ANKRD34C: variants seen among roughly 807,000 people sequenced by gnomAD.
ANKRD34C encodes ankyrin repeat domain-containing protein 34C.
For missense variants in ANKRD34C, 563 were observed against 653.0 expected (o/e 0.86, Z 1.50); for synonymous variants, 260 against 253.6 (o/e 1.03, Z -0.24).
In ANKRD34C at chr15:79,293,656, T is replaced by A; in HGVS notation, c.372T>A (p.Val124=). The change falls in exon 2 of 2, where the codon GTT becomes GTA. Residue 124 remains valine, a synonymous_variant. Coordinates refer to ENST00000421388, the MANE Select transcript of ANKRD34C (RefSeq NM_001146341.2). ...ATCGCACTGGGGCTTCAGCTCTGGT[T>A]TATGCAATAAATGCAGATGACAAGG... ...LEDRTGASAL[V]YAINADDKDA... 1 of 1,551,646 alleles carries A rather than the reference T, an allele frequency of 6.4e-7. No individual in the cohort carries two copies. Among genetic ancestry groups the A allele is most frequent in the Non-Finnish European group, 8.7e-7 (1 of 1,146,976 alleles).
chr15:79,290,753 A>G (rs2058657036), intron 1 of ANKRD34C, among the ~76,000 whole-genome samples: 1 of 152,198 alleles, frequency 6.6e-6, no homozygotes, highest in Non-Finnish European at 1.5e-5. Context: ...ACATACGAGG[A>G]CGGGAGGACC....
chr15:79,286,366 C>T (rs528155357), intron 1 of ANKRD34C, among the ~76,000 whole-genome samples: 30 of 152,264 alleles, frequency 2.0e-4, no homozygotes, highest in South Asian at 1.0e-3. Flanking sequence ...TTTTTAAAGA[C>T]AAAAATATTC....
chr15:79,287,184 G>A (rs2058647649), intron 1 of ANKRD34C, among the ~76,000 whole-genome samples: 1 of 152,182 alleles, frequency 6.6e-6, no homozygotes, highest in African/African-American at 2.4e-5. Flanking sequence ...GGCTAAGAAT[G>A]TGGACTTTGG....
rs2058675466 is a variant in ANKRD34C at position 79,297,659 on chromosome 15, T to C, written c.*2767T>C. The C allele has an allele frequency of 6.0e-6, 1 of 167,100 alleles. No homozygotes were observed. Among genetic ancestry groups the C allele is most frequent in the African/African-American group, 2.4e-5 (1 of 41,462 alleles). The allele number at this position is 167,100 out of a possible 1,614,324, so 10.4% of individuals were successfully genotyped here. A position where few individuals can be genotyped will look rare whatever the true frequency, so the allele number is the denominator to read the frequency against. The stretch of plus-strand genomic sequence containing the variant: ...CTACTTGACGATGAGTTCGCCGAAT[T>C]AGACTGTTCTATACCAGTACAACAA... On this transcript the variant is annotated 3_prime_UTR_variant, in exon 2 of 2. Transcript: ENST00000421388.
intron 1 of ANKRD34C, among the ~76,000 whole-genome samples, chr15:79,287,984 C>T (rs945698475): frequency 6.6e-6 from 1 of 152,224 alleles, no homozygotes; most frequent in Non-Finnish European, 1.5e-5. Flanking sequence ...TATAAACCAT[C>T]AGCCTCACTC....
intron 1 of ANKRD34C, among the ~76,000 whole-genome samples, chr15:79,285,995 T>C (rs998848850): frequency 3.3e-5 from 5 of 152,168 alleles, no homozygotes; most frequent in African/African-American, 1.2e-4. Context: ...TCTTTACTTT[T>C]GGGGACAATA....
chr15:79,295,016 G>A lies in ANKRD34C; in HGVS notation c.*124G>A. ...TCAGAAGATATAAAAGCAGGATGCT[G>A]CTTCACTTCTGAGAATAATCCCTGG... On this transcript the variant is annotated 3_prime_UTR_variant, in exon 2 of 2. Coordinates refer to ENST00000421388, the MANE Select transcript of ANKRD34C (RefSeq NM_001146341.2). The A allele has an allele frequency of 1.9e-6, 2 of 1,078,364 alleles. No individual in the cohort carries two copies. The highest frequency in any genetic ancestry group is 2.6e-6 in the Non-Finnish European group (2 of 770,070). 66.8% of individuals were successfully genotyped at this position (1,078,364 alleles called of 1,614,324 possible).
At position 79,291,587 on chromosome 15, in the gene ANKRD34C, CACACACACACACACAGAGAG is replaced by C. The variant is rs1320242117; in HGVS notation, c.-44-1652_-44-1633del. ...ACACACACACACACACACACACACA[CACACACACACACACAGAGAG>C]AGAGAGAGAGAGAGAGAGAGAGAGA... On this transcript the variant is annotated intron_variant, in intron 1 of 1. Transcript: ENST00000421388. Among the ~76,000 whole-genome samples, 7 of 117,984 alleles carry C rather than the reference CACACACACACACACAGAGAG, an allele frequency of 5.9e-5. No individual in the cohort carries two copies. In the East Asian group the frequency reaches 9.4e-4, roughly 16 times the overall value. 77.4% of individuals were successfully genotyped at this position (117,984 alleles called of 152,430 possible). A position where few individuals can be genotyped will look rare whatever the true frequency, so the allele number is the denominator to read the frequency against.
chr15:79,286,802 C>A (rs1167853591), intron 1 of ANKRD34C, among the ~76,000 whole-genome samples: 3 of 152,190 alleles, frequency 2.0e-5, no homozygotes, highest in Admixed American at 2.0e-4. Flanking sequence ...GTCCACACAG[C>A]AAACATCAAA....
At chr15:79,287,841 T>C (rs1028812147) in intron 1 of ANKRD34C, among the ~76,000 whole-genome samples, 1 of 152,236 alleles carries the variant, frequency 6.6e-6, no homozygotes, top group Non-Finnish European at 1.5e-5. Context: ...TGTGCACTTA[T>C]GGCTAATCCA....
At position 79,294,275 on chromosome 15, in the gene ANKRD34C, G is replaced by A. The variant is rs1344087005; in HGVS notation, c.991G>A (p.Ala331Thr). ...PVSSAPASWK[A>T]AYEKGQAPHP... ...CTCTTCAGCACCGGCATCCTGGAAA[G>A]CAGCCTATGAGAAAGGTCAGGCTCC... Residue 331 changes from alanine to threonine, a missense_variant, in exon 2 of 2, where the codon GCA becomes ACA. Physicochemically the swap from Ala to Thr is moderately conservative, Grantham distance 58 (BLOSUM62 0). Coordinates refer to ENST00000421388, the MANE Select transcript of ANKRD34C (RefSeq NM_001146341.2). 1.9e-6 allele frequency: 3 copies of A among 1,551,716 alleles called. No individual in the cohort carries two copies. In the Admixed American group the frequency reaches 5.9e-5, roughly 30 times the overall value.
chr15:79,284,204 C>A (rs968736051), intron 1 of ANKRD34C, among the ~76,000 whole-genome samples: 2 of 152,122 alleles, frequency 1.3e-5, no homozygotes, highest in African/African-American at 4.8e-5. Flanking sequence ...AGTAACTTGT[C>A]CAGGTTTATG....
At chr15:79,283,586 T>C (rs2058635057) in intron 1 of ANKRD34C, 2 of 152,220 alleles carry the variant, frequency 1.3e-5, no homozygotes, top group Middle Eastern at 3.4e-3. Context: ...CCTGAAAATG[T>C]GCACGAAATT....
At position 79,293,641 on chromosome 15, in the gene ANKRD34C, G is replaced by C; in HGVS notation, c.357G>C (p.Gly119=). 1 of 1,551,628 alleles carries C rather than the reference G, an allele frequency of 6.4e-7. No individual in the cohort carries two copies. Among genetic ancestry groups the C allele is most frequent in the Non-Finnish European group, 8.7e-7 (1 of 1,146,976 alleles). ...GADPSLEDRT[G]ASALVYAINA... is the part of the protein sequence containing the mutation. ...ACCCCAGCCTTGAAGATCGCACTGG[G>C]GCTTCAGCTCTGGTTTATGCAATAA... Residue 119 remains glycine (G), a synonymous_variant, in exon 2 of 2, where the codon GGG becomes GGC. Transcript: ENST00000421388.
At position 79,294,082 on chromosome 15, in the gene ANKRD34C, G is replaced by A. The variant is rs931179221; in HGVS notation, c.798G>A (p.Ser266=). 10 of 1,551,406 alleles carry A rather than the reference G, an allele frequency of 6.4e-6. No individual in the cohort carries two copies. The highest frequency in any genetic ancestry group is 4.9e-5 in the East Asian group (2 of 40,924). ...GLIAPSVLAA[S]TRQDETHGAS... Reference sequence around the variant, plus strand: ...TAGCGCCCTCGGTGCTGGCAGCCTCGACGCGTCAGGATGAGACCCATGGTG... The same window carrying A: ...TAGCGCCCTCGGTGCTGGCAGCCTCAACGCGTCAGGATGAGACCCATGGTG... The change falls in exon 2 of 2, where the codon TCG becomes TCA. Residue 266 remains serine (S), a synonymous_variant. Transcript: ENST00000421388.
chr15:79,294,591 G>A lies in ANKRD34C; in HGVS notation c.1307G>A (p.Arg436His), dbSNP rs750628624. ...VPSTSPSSARRRPPHLLERRG... is the reference protein window; with the variant it reads ...VPSTSPSSARHRPPHLLERRG... ...AGCACATCCCCCAGCTCAGCACGCCGCAGGCCGCCACATCTTCTAGAACGA... is the reference window on the plus strand; with the variant it reads ...AGCACATCCCCCAGCTCAGCACGCCACAGGCCGCCACATCTTCTAGAACGA... The change falls in exon 2 of 2, where the codon CGC becomes CAC. Residue 436 changes from arginine to histidine, a missense_variant. Physicochemically the swap from Arg to His is conservative, Grantham distance 29 (BLOSUM62 0). Coordinates refer to ENST00000421388, the MANE Select transcript of ANKRD34C (RefSeq NM_001146341.2). 27 of 1,551,534 alleles carry A rather than the reference G, an allele frequency of 1.7e-5. No individual in the cohort carries two copies. In the South Asian group the frequency reaches 2.0e-4, roughly 12 times the overall value.
At chr15:79,289,277 A>G (rs1427417025) in intron 1 of ANKRD34C, among the ~76,000 whole-genome samples, 5 of 152,230 alleles carry the variant, frequency 3.3e-5, no homozygotes, top group Non-Finnish European at 7.3e-5. Context: ...GGAACTTCAG[A>G]TGGGAGGCCC....
rs2141203101 is a variant in ANKRD34C at position 79,293,530 on chromosome 15, T to C, written c.246T>C (p.Asp82=). ...ACAGGGCAGACCCCAATATCCAAGATAAGTCTGGCAAGACTGCCCTCATCC... is the reference window on the plus strand; with the variant it reads ...ACAGGGCAGACCCCAATATCCAAGACAAGTCTGGCAAGACTGCCCTCATCC... ...LDNRADPNIQ[D]KSGKTALIHA... Residue 82 remains aspartate (D), a synonymous_variant, in exon 2 of 2, where the codon GAT becomes GAC. Coordinates refer to ENST00000421388, the MANE Select transcript of ANKRD34C (RefSeq NM_001146341.2). The C allele has an allele frequency of 6.4e-7, 1 of 1,551,418 alleles. No individual in the cohort carries two copies. Among genetic ancestry groups the C allele is most frequent in the East Asian group, 2.4e-5 (1 of 40,918 alleles).
At position 79,294,959 on chromosome 15, in the gene ANKRD34C, T is replaced by C; in HGVS notation, c.*67T>C. 2 of 1,418,536 alleles carry C rather than the reference T, an allele frequency of 1.4e-6. No individual in the cohort carries two copies. The highest frequency in any genetic ancestry group is 1.9e-6 in the Non-Finnish European group (2 of 1,069,996). The allele number at this position is 1,418,536 out of a possible 1,614,324, so 87.9% of individuals were successfully genotyped here. ...AGGGACTATGGATGAGACTGCTTCCTGATCATTCCTTAATGTTGAACTGTG... is the reference window on the plus strand; with the variant it reads ...AGGGACTATGGATGAGACTGCTTCCCGATCATTCCTTAATGTTGAACTGTG... On this transcript the variant is annotated 3_prime_UTR_variant, in exon 2 of 2. Coordinates refer to ENST00000421388, the MANE Select transcript of ANKRD34C (RefSeq NM_001146341.2).
Sources: gnomAD v4.1 joint callset for allele counts (sites outside exome capture counted in the v4.1 genomes callset) on GRCh38, gnomAD v4.1.1 for gene constraint, MANE v1.5 for transcripts, NCBI Gene and HGNC (gene_info 2026-07-23, HGNC 2026-07-21) for gene names.